The following ACOXL variants were observed in gnomAD, a reference collection of about 807,000 sequenced individuals.
ACOXL encodes acyl-coenzyme A oxidase-like protein.
In ACOXL, 70 loss-of-function variants were observed where a neutral mutation model predicts 71.9. The ratio of observed to expected loss-of-function variants is 0.97; its 90% CI spans 0.80 to 1.19. ACOXL has a LOEUF of 1.19. Ranked by LOEUF, ACOXL falls within the 50% of genes most tolerant of loss-of-function variation. ACOXL has a pLI of 0.00. For missense variants in ACOXL, 703 were observed against 736.3 expected (o/e 0.95, Z 0.52); for synonymous variants, 253 against 281.6 (o/e 0.90, Z 1.02).
chr2:111,089,168 C>T (rs1188791637), intron 16 of ACOXL, among the ~76,000 whole-genome samples: 1 of 152,060 alleles, frequency 6.6e-6, no homozygotes. Context: ...GGCATGGTGG[C>T]GTGAGCATGT....
intron 13 of ACOXL, among the ~76,000 whole-genome samples, chr2:110,992,887 C>A (rs1354020671): frequency 6.6e-6 from 1 of 152,188 alleles, no homozygotes; most frequent in Admixed American, 6.5e-5. Context: ...TGTTTTTCTA[C>A]ATTATGCTGT....
intron 16 of ACOXL, among the ~76,000 whole-genome samples, chr2:111,090,278 A>G (rs984674918): frequency 6.6e-6 from 1 of 152,222 alleles, no homozygotes; most frequent in Admixed American, 6.5e-5. Context: ...AAGTGGCTCC[A>G]GACACAATGA....
chr2:110,957,107 GA>G (rs2149432017), intron 12 of ACOXL, among the ~76,000 whole-genome samples: 1 of 152,100 alleles, frequency 6.6e-6, no homozygotes, highest in East Asian at 1.9e-4. Context: ...TAAGCTCACG[GA>G]AAATCTTACT....
intron 12 of ACOXL, among the ~76,000 whole-genome samples, chr2:110,946,918 C>T (rs2061131352): frequency 6.6e-6 from 1 of 152,184 alleles, no homozygotes; most frequent in Non-Finnish European, 1.5e-5. Context: ...CCCCAGTCCC[C>T]TTTGGTGAGT....
intron 2 of ACOXL, among the ~76,000 whole-genome samples, chr2:110,770,399 T>C (rs1158652218): frequency 1.3e-5 from 2 of 152,238 alleles, no homozygotes; most frequent in East Asian, 3.9e-4. Context: ...TGGAGTCTTC[T>C]CAGGAAGGAA....
chr2:110,733,102 C>G (rs999095783), intron 1 of ACOXL: 3 of 152,408 alleles, frequency 2.0e-5, no homozygotes, highest in African/African-American at 4.8e-5. Context: ...GAAGATCGGC[C>G]TTGCTGGTTT....
intron 2 of ACOXL, among the ~76,000 whole-genome samples, chr2:110,770,123 A>G (rs567076086): frequency 6.6e-6 from 1 of 152,336 alleles, no homozygotes; most frequent in South Asian, 2.1e-4. Context: ...GAACTAGGGT[A>G]GCTGCAGCTC....
chr2:110,920,379 T>C (rs2060021051), intron 11 of ACOXL, among the ~76,000 whole-genome samples: 1 of 152,244 alleles, frequency 6.6e-6, no homozygotes, highest in Admixed American at 6.5e-5. Flanking sequence ...GTATCTTCTT[T>C]AGCAAAGTGT....
intron 16 of ACOXL, among the ~76,000 whole-genome samples, chr2:111,076,469 T>G (rs914388760): frequency 7.9e-5 from 12 of 152,216 alleles, no homozygotes; most frequent in African/African-American, 2.7e-4. Context: ...TAGTTTTACA[T>G]CTATCATTTT....
intron 12 of ACOXL, among the ~76,000 whole-genome samples, chr2:110,943,057 AAAGG>A (rs558546854): frequency 6.9e-6 from 1 of 145,942 alleles, no homozygotes. Context: ...GGAAGAAAGA[AAAGG>A]AAGAAGGAAG....
intron 12 of ACOXL, among the ~76,000 whole-genome samples, chr2:110,980,034 G>A (rs1382530188): frequency 1.3e-5 from 2 of 152,204 alleles, no homozygotes; most frequent in African/African-American, 4.8e-5. Context: ...GCAAAGGAGG[G>A]AGCTCTGGAG....
chr2:110,854,113 G>A (rs1030977784), intron 10 of ACOXL, among the ~76,000 whole-genome samples: 10 of 152,114 alleles, frequency 6.6e-5, no homozygotes, highest in African/African-American at 2.4e-4. Context: ...GCATGTCTGT[G>A]TGCGTGTGCA....
At chr2:111,107,455 T>TG (rs1553478427) in intron 17 of ACOXL, among the ~76,000 whole-genome samples, 1 of 152,170 alleles carries the variant, frequency 6.6e-6, no homozygotes, top group Non-Finnish European at 1.5e-5. Flanking sequence ...TATAGTTTTT[T>TG]TTGTTGTTGT....
intron 9 of ACOXL, among the ~76,000 whole-genome samples, chr2:110,811,538 G>T (rs774574333): frequency 6.6e-6 from 1 of 152,140 alleles, no homozygotes; most frequent in Non-Finnish European, 1.5e-5. Context: ...TGCTCATTCT[G>T]TTGACACTTT....
At chr2:110,878,523 G>A (rs1696208795) in intron 10 of ACOXL, among the ~76,000 whole-genome samples, 1 of 152,236 alleles carries the variant, frequency 6.6e-6, no homozygotes, top group Admixed American at 6.5e-5. Context: ...AGCACTTTGG[G>A]AAGCTGAGGT....
intron 14 of ACOXL, among the ~76,000 whole-genome samples, chr2:111,024,725 A>C (rs991553654): frequency 6.6e-6 from 1 of 152,068 alleles, no homozygotes; most frequent in Non-Finnish European, 1.5e-5. Flanking sequence ...AAAAGGCGGT[A>C]TCTTGTTATC....
intron 3 of ACOXL, among the ~76,000 whole-genome samples, chr2:110,785,940 A>C (rs1451996901): frequency 6.6e-6 from 1 of 152,194 alleles, no homozygotes; most frequent in East Asian, 1.9e-4. Flanking sequence ...TGGAATTCTT[A>C]GACTTCTCCA....
intron 9 of ACOXL, among the ~76,000 whole-genome samples, chr2:110,830,817 G>A (rs888691320): frequency 6.6e-6 from 1 of 152,182 alleles, no homozygotes; most frequent in African/African-American, 2.4e-5. Context: ...ACAGGCGTGA[G>A]CCACCGCGCC....
chr2:110,772,200 C>A (rs1682033751), intron 2 of ACOXL, among the ~76,000 whole-genome samples: 1 of 152,126 alleles, frequency 6.6e-6, no homozygotes, highest in South Asian at 2.1e-4. Context: ...ACTAGTGAAC[C>A]AGGGATTCAA....
Sources: allele counts gnomAD v4.1 joint callset (sites outside exome capture counted in the v4.1 genomes callset), GRCh38; gene constraint gnomAD v4.1.1; transcripts MANE v1.5; gene names NCBI Gene and HGNC (gene_info 2026-07-23, HGNC 2026-07-21).